The following C17orf75 variants were observed in gnomAD, a reference collection of about 807,000 sequenced individuals.
C17orf75 encodes the protein protein Njmu-R1.
A neutral mutation model predicts 49.6 loss-of-function variants in C17orf75; 32 were observed. That is an observed-to-expected ratio of 0.65 (90% confidence interval 0.49 to 0.87). C17orf75 has a LOEUF of 0.87. Ranked by LOEUF, C17orf75 falls within the 40% of genes least tolerant of loss-of-function variation. C17orf75 has a pLI of 0.00. For synonymous variants in C17orf75, 158 were observed against 159.5 expected (o/e 0.99, Z 0.07); for missense variants, 428 against 473.9 (o/e 0.90, Z 0.90).
Position 32,342,027 on chromosome 17 carries a change from T to C in C17orf75, c.113A>G (p.Tyr38Cys). 5 of 1,544,892 alleles carry C rather than the reference T, an allele frequency of 3.2e-6. No homozygotes were observed. Among genetic ancestry groups the C allele is most frequent in the South Asian group, 2.4e-5 (2 of 83,610 alleles). The part of the protein sequence containing the change: ...RRLEPPSSSH[Y>C]CLYSYRGSRL... ...GCTTCCGCGATAGCTGTAAAGACAG[T>C]AGTGGCTGCTGGACGGCGGCTCGAG... is the stretch of plus-strand genomic sequence containing the variant. Residue 38 changes from tyrosine (Y) to cysteine (C), a missense_variant, in exon 1 of 10, where the codon TAC becomes TGC. Tyr to Cys is a radical substitution (Grantham distance 194). Coordinates refer to ENST00000577809, the MANE Select transcript of C17orf75 (RefSeq NM_022344.4).
chr17:32,339,273 TC>T (rs1201502467), intron 3 of C17orf75, among the ~76,000 whole-genome samples: 1 of 151,896 alleles, frequency 6.6e-6, no homozygotes, highest in Non-Finnish European at 1.5e-5. Context: ...CTGCTATATT[TC>T]CCCTTTGTAA....
At chr17:32,347,589 A>G (rs982960919) in intron 1 of C17orf75, among the ~76,000 whole-genome samples, 2 of 152,086 alleles carry the variant, frequency 1.3e-5, no homozygotes, top group African/African-American at 2.4e-5. Context: ...CCACTGAATT[A>G]TATTTTCTTA....
upstream of C17orf75, among the ~76,000 whole-genome samples, chr17:32,347,198 TG>T (rs1277327577): frequency 2.0e-5 from 3 of 152,186 alleles, no homozygotes; most frequent in Non-Finnish European, 4.4e-5. Flanking sequence ...TGATCTCAGG[TG>T]ATCAACCCAC....
chr17:32,348,106 C>T (rs1055317429), intron 1 of C17orf75, among the ~76,000 whole-genome samples: 1 of 151,982 alleles, frequency 6.6e-6, no homozygotes, highest in African/African-American at 2.4e-5. Context: ...CAGCCTCCGC[C>T]TCCCGGGTTC....
At chr17:32,347,401 C>G (rs941341796) in intron 1 of C17orf75, among the ~76,000 whole-genome samples, 3 of 152,100 alleles carry the variant, frequency 2.0e-5, no homozygotes, top group African/African-American at 7.2e-5. Flanking sequence ...GCCTCAGCCT[C>G]CAGAGTAGCT....
intron 9 of C17orf75, among the ~76,000 whole-genome samples, chr17:32,332,763 C>G (rs1240478514): frequency 6.6e-6 from 1 of 152,118 alleles, no homozygotes; most frequent in Admixed American, 6.5e-5. Context: ...AAGATTCTGT[C>G]TCTTAAAACA....
At chr17:32,335,287 T>G in intron 6 of C17orf75, 36 bp downstream of exon 6, 1 of 1,607,678 alleles carries the variant, frequency 6.2e-7, no homozygotes, top group Non-Finnish European at 8.5e-7. Flanking sequence ...AAAGTGATTC[T>G]CAGTTAAGGA....
chr17:32,340,962 A>G (rs7501832), intron 2 of C17orf75: 1 of 484,318 alleles, frequency 2.1e-6, no homozygotes, highest in Non-Finnish European at 3.7e-6. Context: ...AAGGAAAAAG[A>G]AAAAAAAAGG....
upstream of C17orf75, among the ~76,000 whole-genome samples, chr17:32,345,772 T>A (rs2041421024): frequency 6.6e-6 from 1 of 151,858 alleles, no homozygotes; most frequent in African/African-American, 2.4e-5. Context: ...GGTCTTGAAC[T>A]CCTGACCTCG....
chr17:32,342,260 C>T, upstream of C17orf75: 1 of 1,366,424 alleles, frequency 7.3e-7, no homozygotes. Flanking sequence ...GCTGGTTTCC[C>T]CGGGTTCGCA....
In C17orf75 at chr17:32,334,759, A is replaced by G. The variant is rs764124264; in HGVS notation, c.734+16T>C. 6.3e-7 allele frequency: 1 copy of G among 1,588,286 alleles called. No individual in the cohort carries two copies. Among genetic ancestry groups the G allele is most frequent in the South Asian group, 1.1e-5 (1 of 87,790 alleles). ...GCTGTGGAAAAGCTTTTCTCTTTGA[A>G]AAAACTGTTCTTTACCTGTTAATGT... On this transcript the variant is annotated intron_variant, in intron 7 of 9. Transcript: ENST00000577809.
chr17:32,341,402 G>A, intron 1 of C17orf75, 118 bp from the exon 2 acceptor site: 1 of 951,730 alleles, frequency 1.1e-6, no homozygotes, highest in South Asian at 1.3e-5. Flanking sequence ...AGGTGGAAGT[G>A]CACTGCCTAT....
rs538130459 is a variant in C17orf75 at position 32,332,389 on chromosome 17, G to T, written c.976-411C>A. ...ACTTCTGACCTCAAGTGATCCACCC[G>T]CCTCAGCCTCCCAAAGTGTTGGAAT... On this transcript the variant is annotated intron_variant, in intron 9 of 9. Coordinates refer to ENST00000577809, the MANE Select transcript of C17orf75 (RefSeq NM_022344.4). Among the ~76,000 whole-genome samples the T allele has an allele frequency of 1.2e-3, 180 of 152,288 alleles. 3 individuals carry two copies. Among genetic ancestry groups the T allele is most frequent in the African/African-American group, 3.9e-3 (162 of 41,566 alleles).
upstream of C17orf75, among the ~76,000 whole-genome samples, chr17:32,344,346 G>A (rs2041408087): frequency 6.6e-6 from 1 of 152,148 alleles, no homozygotes; most frequent in Non-Finnish European, 1.5e-5. Flanking sequence ...GGCTGGGTGT[G>A]GTGGCTCACG....
chr17:32,347,059 G>A (rs2041430344), upstream of C17orf75, among the ~76,000 whole-genome samples: 1 of 151,836 alleles, frequency 6.6e-6, no homozygotes. Flanking sequence ...TCAAGCCTCA[G>A]CCTGGGTTCT....
At chr17:32,343,507 T>C, upstream of C17orf75, 1 of 263,710 alleles carries the variant, frequency 3.8e-6, no homozygotes, top group South Asian at 1.4e-4. Flanking sequence ...TTTCACAAAA[T>C]AGCACATTAA....
In C17orf75 at chr17:32,329,364, C is replaced by G. The variant is rs1372622962; in HGVS notation, c.*2399G>C. On this transcript the variant is annotated 3_prime_UTR_variant, in exon 10 of 10. Coordinates refer to ENST00000577809, the MANE Select transcript of C17orf75 (RefSeq NM_022344.4). ...TACAGGCATGAGCCACCACACCCAG[C>G]CCAGACTTACTTTTTTTAAAATAAG... 2 of 152,006 alleles carry G rather than the reference C, an allele frequency of 1.3e-5. No homozygotes were observed. Among genetic ancestry groups the G allele is most frequent in the Non-Finnish European group, 2.9e-5 (2 of 68,006 alleles). The allele number at this position is 152,006 out of a possible 1,614,324, so 9.4% of individuals were successfully genotyped here. A position where few individuals can be genotyped will look rare whatever the true frequency, so the allele number is the denominator to read the frequency against.
chr17:32,342,388 A>AGTT, upstream of C17orf75: 1 of 438,924 alleles, frequency 2.3e-6, no homozygotes, highest in Non-Finnish European at 3.6e-6. Flanking sequence ...CCTTTGAGAC[A>AGTT]TCTGGGAAAC....
At chr17:32,340,968 A>AAAAG (rs2041374194) in intron 2 of C17orf75, 1 of 536,658 alleles carries the variant, frequency 1.9e-6, no homozygotes, top group African/African-American at 1.9e-5. Context: ...AAAGAAAAAA[A>AAAAG]AAGGATTTCT....
Sources: allele counts gnomAD v4.1 joint callset (sites outside exome capture counted in the v4.1 genomes callset), GRCh38; gene constraint gnomAD v4.1.1; transcripts MANE v1.5; gene names NCBI Gene and HGNC (gene_info 2026-07-23, HGNC 2026-07-21).